The following MCF2L variants were observed in gnomAD, a reference collection of about 807,000 sequenced individuals.
MCF2L encodes guanine nucleotide exchange factor DBS.
A neutral mutation model predicts 153.4 loss-of-function variants in MCF2L; 97 were observed. That is an observed-to-expected ratio of 0.63 (90% CI 0.54 to 0.75). The LOEUF (loss-of-function observed/expected upper bound fraction) is 0.75. MCF2L is among the 30% of genes least tolerant of loss of function. The probability of loss-of-function intolerance (pLI) is 0.00; values close to 1 mark genes in which losing one functional copy is unlikely to be tolerated. For missense variants in MCF2L, 1,347 were observed against 1,495.2 expected, an observed-to-expected ratio of 0.90 and a Z score of 1.64; for synonymous variants, 659 against 632.2, an observed-to-expected ratio of 1.04 and a Z score of -0.64.
At chr13:112,974,714 A>G (rs2082158565) in intron 1 of MCF2L, among the ~76,000 whole-genome samples, 1 of 152,204 alleles carries the variant, frequency 6.6e-6, no homozygotes, top group Non-Finnish European at 1.5e-5. Context: ...TGCTTTCGCC[A>G]TAATAAAAAA....
At position 112,983,113 on chromosome 13, in the gene MCF2L, G is replaced by A. The variant is rs967422438; in HGVS notation, c.79+13655G>A. On this transcript the variant is annotated intron_variant, in intron 1 of 29. Transcript: ENST00000535094. This position sits in a 1 kb window ranked among gnomAD's most constrained non-coding sequence, Gnocchi z 4.0. ...AAGGCCTGAGGTGAGGTTCAGGTGC[G>A]GCCCACGGGCTGTGGCAGGGACGCA... Among the ~76,000 whole-genome samples the A allele has an allele frequency of 1.3e-5, 2 of 152,010 alleles. No homozygotes were observed. Among genetic ancestry groups the A allele is most frequent in the African/African-American group, 2.4e-5 (1 of 41,364 alleles).
intron 2 of MCF2L, among the ~76,000 whole-genome samples, chr13:112,927,923 A>G (rs1216142897): frequency 1.3e-5 from 2 of 152,268 alleles, no homozygotes; most frequent in Non-Finnish European, 2.9e-5. Flanking sequence ...ATAGCAGCCA[A>G]TTGCAGGCTA....
In MCF2L at chr13:113,024,784, C is replaced by T. The variant is rs943882514; in HGVS notation, c.278+26C>T. On this transcript the variant is annotated intron_variant, in intron 3 of 29. Coordinates refer to ENST00000535094, the MANE Select transcript of MCF2L (RefSeq NM_001112732.3). ...GTACGTGCACCCAGAGCCCGGCAGA[C>T]ATTGTGGTTTGGGGCAGAGTCCCTG... 4.4e-6 allele frequency: 7 copies of T among 1,575,486 alleles called. No homozygotes were observed. The African/African-American group carries it at 5.4e-5, about 12-fold the overall frequency.
chr13:113,001,860 G>T (rs1029904600), intron 1 of MCF2L: 15 of 1,548,288 alleles, frequency 9.7e-6, no homozygotes, highest in Admixed American at 7.6e-5. Flanking sequence ...GTGTGCCCGG[G>T]AAGGGCGTTC....
rs954889109 is a variant in MCF2L, at chr13:112,904,270, C to T, written c.169+1899C>T. 5.9e-5 allele frequency among the ~76,000 whole-genome samples: 9 copies of T among 152,078 alleles called. No homozygotes were observed. The highest frequency in any genetic ancestry group is 1.4e-4 in the African/African-American group (6 of 41,408). ...AACCCTCACAACTGAACCAAGTGCT[C>T]CTATTATTTCTCAACGTACCGAGCT... On this transcript the variant is annotated intron_variant, in intron 2 of 29. Transcript: ENST00000375608. This position sits in a 1 kb window ranked among gnomAD's most constrained non-coding sequence, Gnocchi z 4.2.
At chr13:112,991,240 C>A (rs1200666881) in intron 1 of MCF2L, among the ~76,000 whole-genome samples, 1 of 152,144 alleles carries the variant, frequency 6.6e-6, no homozygotes, top group African/African-American at 2.4e-5. Flanking sequence ...TGTGTGGGAC[C>A]TGATTCGCTG....
At chr13:113,019,638 A>T (rs72661984) in intron 2 of MCF2L, among the ~76,000 whole-genome samples, 28,306 of 152,172 alleles carry the variant, frequency 0.19, 2,835 homozygotes, top group East Asian at 0.29. Flanking sequence ...GTTTCACGAC[A>T]TCCAACCAGT....
At position 113,035,403 on chromosome 13, in the gene MCF2L, G is replaced by T. The variant is rs921500177; in HGVS notation, c.279-9868G>T. 1.3e-5 allele frequency among the ~76,000 whole-genome samples: 2 copies of T among 152,152 alleles called. No individual in the cohort carries two copies. The highest frequency in any genetic ancestry group is 4.8e-5 in the African/African-American group (2 of 41,426). ...CAGAATTATTTCCTGCAGCCACAGAGACTTCCTTGGCGGGAAACCAGGTCC... is the reference window on the plus strand; with the variant it reads ...CAGAATTATTTCCTGCAGCCACAGATACTTCCTTGGCGGGAAACCAGGTCC... On this transcript the variant is annotated intron_variant, in intron 3 of 29. Transcript: ENST00000535094. This position sits in a 1 kb window ranked among gnomAD's most constrained non-coding sequence, Gnocchi z 4.4.
intron 17 of MCF2L, among the ~76,000 whole-genome samples, chr13:113,083,201 G>A (rs540652546): frequency 8.5e-5 from 13 of 152,284 alleles, no homozygotes; most frequent in African/African-American, 2.9e-4. Flanking sequence ...CCCCCGCTGC[G>A]TGTCCTGGAA....
intron 2 of MCF2L, among the ~76,000 whole-genome samples, chr13:112,908,180 C>A (rs909054689): frequency 1.3e-5 from 2 of 152,160 alleles, no homozygotes; most frequent in Non-Finnish European, 2.9e-5. Flanking sequence ...AGGGTGTGGG[C>A]AGCTTCCCAA....
chr13:112,903,755 C>G (rs184107667), intron 2 of MCF2L, among the ~76,000 whole-genome samples: 5 of 152,310 alleles, frequency 3.3e-5, no homozygotes, highest in African/African-American at 1.2e-4. Flanking sequence ...GGACCTCTCA[C>G]GGACTGAGAA....
rs1202155709 is a variant in MCF2L at position 113,027,039 on chromosome 13, A to C, written c.278+2281A>C. On this transcript the variant is annotated intron_variant, in intron 3 of 29. Coordinates refer to ENST00000535094, the MANE Select transcript of MCF2L (RefSeq NM_001112732.3). The surrounding 1 kb of genome is among the most constrained non-coding windows in gnomAD (Gnocchi z 4.8). ...CTTCCATTTGGGGTATAGTGAACAC[A>C]CACCAAGTAAAAACAGAAATATCCT... 1.3e-6 allele frequency: 1 copy of C among 777,030 alleles called. No individual in the cohort carries two copies. 48.1% of individuals were successfully genotyped at this position (777,030 alleles called of 1,614,324 possible). A position where few individuals can be genotyped will look rare whatever the true frequency, so the allele number is the denominator to read the frequency against.
At chr13:113,077,563 G>C (rs2033627500) in intron 13 of MCF2L, among the ~76,000 whole-genome samples, 1 of 152,142 alleles carries the variant, frequency 6.6e-6, no homozygotes, top group Non-Finnish European at 1.5e-5. Context: ...ACCATCTCCG[G>C]CCTTCCCAGC....
In MCF2L at chr13:112,941,999, G is replaced by A. The variant is rs1010294497; in HGVS notation, c.169+39628G>A. Reference sequence around the variant, plus strand: ...AGACGCCCGTTGCCAAGCGGACCATGGTCTAGCGGTAGCGTCAGTGTCAAG... The same window carrying A: ...AGACGCCCGTTGCCAAGCGGACCATAGTCTAGCGGTAGCGTCAGTGTCAAG... On this transcript the variant is annotated intron_variant, in intron 2 of 29. Transcript: ENST00000375608. This position sits in a 1 kb window ranked among gnomAD's most constrained non-coding sequence, Gnocchi z 4.9. Among the ~76,000 whole-genome samples, 2 of 152,194 alleles carry A rather than the reference G, an allele frequency of 1.3e-5. No individual in the cohort carries two copies. Among genetic ancestry groups the A allele is most frequent in the Non-Finnish European group, 2.9e-5 (2 of 68,038 alleles).
At chr13:112,902,326 A>C (rs1213255372) in exon 2 of MCF2L, 1 of 1,612,946 alleles carries the variant, frequency 6.2e-7, no homozygotes, top group Admixed American at 1.7e-5. Context: ...GTCTGACGTC[A>C]TCAGGCTTGT....
intron 1 of MCF2L, among the ~76,000 whole-genome samples, chr13:112,898,861 G>A (rs916291028): frequency 3.3e-5 from 5 of 152,104 alleles, no homozygotes; most frequent in Non-Finnish European, 7.4e-5. Context: ...TCTTGGCCCT[G>A]AGCTTCTGCC....
Position 113,053,983 on chromosome 13 carries a change from C to T in MCF2L, c.370-6610C>T, listed in dbSNP as rs1239852238. Among the ~76,000 whole-genome samples the T allele has an allele frequency of 6.6e-6, 1 of 152,166 alleles. No homozygotes were observed. Among genetic ancestry groups the T allele is most frequent in the African/African-American group, 2.4e-5 (1 of 41,426 alleles). ...TTCACACGGCTCCGAATCGGCGAAA[C>T]GCAACCAACGCTGGGCAGAACCTTG... On this transcript the variant is annotated intron_variant, in intron 4 of 29. Transcript: ENST00000535094. The surrounding 1 kb of genome is among the most constrained non-coding windows in gnomAD (Gnocchi z 4.4).
In MCF2L at chr13:112,960,586, T is replaced by C. The variant is rs1167518085; in HGVS notation, c.170-54177T>C. On this transcript the variant is annotated intron_variant, in intron 2 of 29. Coordinates refer to the MCF2L transcript ENST00000375608. The surrounding 1 kb of genome is among the most constrained non-coding windows in gnomAD (Gnocchi z 4.2). ...TTTGGGGTTTCGGTGTCCAGGGCTG[T>C]GTCAGTTTCCTATTGCAGTTGACAG... 6.6e-6 allele frequency among the ~76,000 whole-genome samples: 1 copy of C among 152,176 alleles called. No homozygotes were observed. The highest frequency in any genetic ancestry group is 2.4e-5 in the African/African-American group (1 of 41,438).
In MCF2L at chr13:113,054,635, C is replaced by T. The variant is rs2087605646; in HGVS notation, c.370-5958C>T. On this transcript the variant is annotated intron_variant, in intron 4 of 29. Coordinates refer to ENST00000535094, the MANE Select transcript of MCF2L (RefSeq NM_001112732.3). This position sits in a 1 kb window ranked among gnomAD's most constrained non-coding sequence, Gnocchi z 5.2. ...TGCTCTGAAATTAAATATATAATGT[C>T]AAGCTGGATAGGTGTGGCTTGGAGC... The T allele has an allele frequency of 6.6e-6, 1 of 152,160 alleles. No homozygotes were observed. Among genetic ancestry groups the T allele is most frequent in the Non-Finnish European group, 1.5e-5 (1 of 68,040 alleles). 9.4% of individuals were successfully genotyped at this position (152,160 alleles called of 1,614,324 possible). A position where few individuals can be genotyped will look rare whatever the true frequency, so the allele number is the denominator to read the frequency against.
Sources: allele counts gnomAD v4.1 joint callset (sites outside exome capture counted in the v4.1 genomes callset), GRCh38; gene constraint gnomAD v4.1.1; non-coding constraint Gnocchi (gnomAD v3.1); transcripts MANE v1.5; gene names NCBI Gene and HGNC (gene_info 2026-07-23, HGNC 2026-07-21).